CYP17A1: variants seen among roughly 807,000 people sequenced by gnomAD.
The protein encoded by CYP17A1 is steroid 17-alpha-hydroxylase/17,20 lyase.
In CYP17A1, 27 loss-of-function variants were observed where a neutral mutation model predicts 38.5. The ratio of observed to expected loss-of-function variants is 0.70; its 90% CI spans 0.52 to 0.97. The LOEUF (loss-of-function observed/expected upper bound fraction) is 0.97, where lower values mean the gene tolerates loss of function less well. CYP17A1 is among the 50% of genes least tolerant of loss of function. The pLI is 0.00. For missense variants in CYP17A1, 549 were observed against 645.9 expected, an observed-to-expected ratio of 0.85 and a Z score of 1.63; for synonymous variants, 263 against 253.3, an observed-to-expected ratio of 1.04 and a Z score of -0.36.
intron 1 of CYP17A1, 26 bp from the exon 2 acceptor site, chr10:102,835,418 G>C: frequency 2.5e-6 from 4 of 1,600,530 alleles, no homozygotes; most frequent in Non-Finnish European, 3.4e-6. Flanking sequence ...AAGGCTGTAG[G>C]AATCTCACAC....
intron 6 of CYP17A1, 111 bp from the exon 7 acceptor site, chr10:102,831,722 C>A: frequency 6.5e-7 from 1 of 1,529,294 alleles, no homozygotes; most frequent in South Asian, 1.2e-5. Flanking sequence ...TTTACTCCCT[C>A]ATTCCCACTC....
Position 102,831,524 on chromosome 10 carries a change from C to T in CYP17A1, c.1227G>A (p.Pro409=), listed in dbSNP as rs779167465. The T allele has an allele frequency of 3.5e-5, 56 of 1,613,808 alleles. No homozygotes were observed. Among genetic ancestry groups the T allele is most frequent in the East Asian group, 6.7e-5 (3 of 44,886 alleles). The part of the protein sequence containing the change: ...LHHNEKEWHQ[P]DQFMPERFLN... The stretch of plus-strand genomic sequence containing the variant: ...CAGACTCACCAGGCATGAACTGATC[C>T]GGCTGGTGCCACTCCTTCTCATTGT... Residue 409 remains proline (P), a synonymous_variant, in exon 7 of 8, where the codon CCG becomes CCA. Transcript: ENST00000369887.
Position 102,834,880 on chromosome 10 carries a change from C to G in CYP17A1, c.571G>C (p.Gly191Arg). ...LICFNTSYKN[G>R]DPELNVIQNY... is the part of the protein sequence containing the mutation. ...TGTATGACATTCAACTCAGGGTCCC[C>G]ATTCTTGTAGGAGGTATTGAAGCAG... The change falls in exon 3 of 8, where the codon GGG becomes CGG. Residue 191 changes from glycine to arginine, a missense_variant. Gly to Arg is a moderately radical substitution (Grantham distance 125). Around this residue, in one of 3 missense-constraint regions of CYP17A1, gnomAD observed 289 missense variants for 320.9 expected, o/e 0.90. Coordinates refer to ENST00000369887, the MANE Select transcript of CYP17A1 (RefSeq NM_000102.4). 1 of 1,614,042 alleles carries G rather than the reference C, an allele frequency of 6.2e-7. No individual in the cohort carries two copies. Among genetic ancestry groups the G allele is most frequent in the Non-Finnish European group, 8.5e-7 (1 of 1,180,020 alleles).
At position 102,834,930 on chromosome 10, in the gene CYP17A1, G is replaced by T. The variant is rs752540777; in HGVS notation, c.521C>A (p.Ala174Glu). ...SIDISFPVFV[A>E]VTNVISLICF... ...GATCAAGGAGATGACATTGGTTACC[G>T]CCACGAAGACAGGAAAGGAGATGTC... Residue 174 changes from alanine to glutamate, a missense_variant, in exon 3 of 8, where the codon GCG becomes GAG. Coordinates refer to ENST00000369887, the MANE Select transcript of CYP17A1 (RefSeq NM_000102.4). 1.2e-6 allele frequency: 2 copies of T among 1,613,194 alleles called. No homozygotes were observed. Among genetic ancestry groups the T allele is most frequent in the South Asian group, 2.2e-5 (2 of 91,056 alleles).
chr10:102,833,994 A>C (rs2911432), intron 4 of CYP17A1, 42 bp downstream of exon 4: 1 of 875,692 alleles, frequency 1.1e-6, no homozygotes. Context: ...TCTTGTGATT[A>C]CTTTTAGCCT....
intron 3 of CYP17A1, chr10:102,834,537 C>G: frequency 1.6e-6 from 1 of 606,738 alleles, no homozygotes; most frequent in Non-Finnish European, 2.9e-6. Context: ...ATGCTTAGTA[C>G]TGGCACATGG....
In CYP17A1 at chr10:102,833,114, T is replaced by C; in HGVS notation, c.848A>G (p.Asp283Gly). Residue 283 changes from aspartate to glycine, a missense_variant, in exon 5 of 8, where the codon GAC (aspartate) becomes GGC (glycine). Physicochemically the swap from Asp to Gly is moderately conservative, Grantham distance 94. Coordinates refer to ENST00000369887, the MANE Select transcript of CYP17A1 (RefSeq NM_000102.4). ...SDNGNAGPDQDSELLSDNHIL... is the reference protein window; with the variant it reads ...SDNGNAGPDQGSELLSDNHIL... ...GTGGTTATCTGAAAGCAGCTCTGAG[T>C]CTTGATCTGGGCCAGCATTGCCATT... 1 of 1,614,090 alleles carries C rather than the reference T, an allele frequency of 6.2e-7. No homozygotes were observed.
Position 102,837,306 on chromosome 10 carries a change from T to C in CYP17A1, c.56A>G (p.Lys19Arg). 1.9e-6 allele frequency: 3 copies of C among 1,612,006 alleles called. No individual in the cohort carries two copies. Among genetic ancestry groups the C allele is most frequent in the South Asian group, 1.1e-5 (1 of 91,040 alleles). ...LLTLAYLFWP[K>R]RRCPGAKYPK... is the part of the protein sequence containing the mutation. ...GTACTTGGCACCAGGGCACCTTCTC[T>C]TGGGCCAAAACAAATAAGCTAGGGT... Residue 19 changes from lysine to arginine, a missense_variant, in exon 1 of 8, where the codon AAG (lysine) becomes AGG (arginine). By Grantham distance (26) the Lys-to-Arg change is conservative. Coordinates refer to ENST00000369887, the MANE Select transcript of CYP17A1 (RefSeq NM_000102.4).
At chr10:102,833,821 A>G in intron 4 of CYP17A1, 1 of 507,494 alleles carries the variant, frequency 2.0e-6, no homozygotes, top group Non-Finnish European at 3.6e-6. Flanking sequence ...CGAACTCCTG[A>G]CCTCAATTGA....
intron 3 of CYP17A1, 57 bp from the exon 4 acceptor site, chr10:102,834,179 GC>G: frequency 1.2e-6 from 1 of 832,130 alleles, no homozygotes; most frequent in Non-Finnish European, 2.1e-6. Context: ...TTCTCCAGCT[GC>G]CAGAGTCTCT....
At chr10:102,834,370 C>A (rs1266073090) in intron 3 of CYP17A1, 1 of 567,926 alleles carries the variant, frequency 1.8e-6, no homozygotes, top group East Asian at 3.1e-5. Context: ...AAACATCAAG[C>A]GCTGACTCTG....
At chr10:102,834,577 T>C in intron 3 of CYP17A1, 1 of 650,678 alleles carries the variant, frequency 1.5e-6, no homozygotes. Context: ...GGTCATTATC[T>C]GGAGTACTAA....
chr10:102,832,461 C>G, intron 6 of CYP17A1, 50 bp downstream of exon 6: 4 of 1,244,710 alleles, frequency 3.2e-6, no homozygotes, highest in Non-Finnish European at 4.7e-6. Flanking sequence ...GGCTGGCAAG[C>G]AGTGTTGAAT....
chr10:102,834,677 G>C, intron 3 of CYP17A1, 108 bp downstream of exon 3: 9 of 1,530,628 alleles, frequency 5.9e-6, no homozygotes, highest in Non-Finnish European at 8.1e-6. Flanking sequence ...GAGGTAATCA[G>C]GAAAAAGATG....
intron 4 of CYP17A1, 199 bp from the exon 5 acceptor site, chr10:102,833,407 T>C: frequency 1.0e-6 from 1 of 975,252 alleles, no homozygotes; most frequent in Non-Finnish European, 1.5e-6. Context: ...GTTAGGTCTC[T>C]TCTAGGATCC....
chr10:102,833,539 C>T, intron 4 of CYP17A1: 1 of 333,344 alleles, frequency 3.0e-6, no homozygotes, highest in Middle Eastern at 1.0e-3. Context: ...TCACTGCAAC[C>T]TCTGCTTCTC....
chr10:102,836,447 C>A (rs1342941894), intron 1 of CYP17A1, among the ~76,000 whole-genome samples: 2 of 115,266 alleles, frequency 1.7e-5, no homozygotes, highest in African/African-American at 6.9e-5. Context: ...CAGAGAGAGA[C>A]TCTGTCTCAA....
In CYP17A1 at chr10:102,834,783, A is replaced by G. The variant is rs760032797; in HGVS notation, c.666+2T>C. 1.9e-6 allele frequency: 3 copies of G among 1,614,112 alleles called. No individual in the cohort carries two copies. Among genetic ancestry groups the G allele is most frequent in the Non-Finnish European group, 2.5e-6 (3 of 1,180,008 alleles). ...CTGAAGGCAGGGCTGGCAGCATCTCACCTTCAACCAGGGGACTAGGTCCAC... is the reference window on the plus strand; with the variant it reads ...CTGAAGGCAGGGCTGGCAGCATCTCGCCTTCAACCAGGGGACTAGGTCCAC... On this transcript the variant is annotated splice_donor_variant, in intron 3 of 7. Transcript: ENST00000369887. LOFTEE classifies it high-confidence loss of function.
chr10:102,836,996 C>A, intron 1 of CYP17A1, 69 bp downstream of exon 1: 1 of 892,180 alleles, frequency 1.1e-6, no homozygotes, highest in Non-Finnish European at 1.9e-6. Context: ...CCATTCTAGG[C>A]ATGGTCTGAA....
Sources: gnomAD v4.1 joint callset for allele counts (sites outside exome capture counted in the v4.1 genomes callset) on GRCh38, gnomAD v4.1.1 for gene constraint, gnomAD v4.1.1 regional missense constraint, MANE v1.5 for transcripts, NCBI Gene and HGNC (gene_info 2026-07-23, HGNC 2026-07-21) for gene names.